Variants in ERC2 observed in about 807,000 individuals in gnomAD.
The protein encoded by ERC2 is ERC protein 2.
In ERC2, 42 loss-of-function variants were observed where a neutral mutation model predicts 114.8. The observed-to-expected ratio is 0.37, with a 90% CI of 0.29 to 0.47. The LOEUF is 0.47. Among genes scored for constraint, ERC2 ranks in the 20% least tolerant of loss-of-function variants. The probability of loss-of-function intolerance (pLI) is 0.99; values close to 1 mark genes in which losing one functional copy is unlikely to be tolerated. For synonymous variants in ERC2, 454 were observed against 425.5 expected (o/e 1.07, Z -0.82); for missense variants, 939 against 1,150.7 (o/e 0.82, Z 2.66).
intron 2 of ERC2, 35 bp downstream of exon 2, chr3:56,434,316 A>G (rs1346532131): frequency 6.3e-7 from 1 of 1,592,830 alleles, no homozygotes; most frequent in East Asian, 2.2e-5. Flanking sequence ...GTGAGAAGCC[A>G]AGGCTGAAAA....
At chr3:56,421,990 A>C (rs150627828) in intron 2 of ERC2, among the ~76,000 whole-genome samples, 49 of 152,302 alleles carry the variant, frequency 3.2e-4, no homozygotes, top group Middle Eastern at 3.4e-3. Flanking sequence ...CAGAGGCAGA[A>C]ATCAGGAAGG....
chr3:56,427,566 G>T (rs1327355354), intron 2 of ERC2, among the ~76,000 whole-genome samples: 6 of 152,196 alleles, frequency 3.9e-5, no homozygotes, highest in African/African-American at 1.4e-4. Flanking sequence ...TGGAGATAGG[G>T]TCTTTACAGA....
At chr3:56,086,078 G>A (rs1156672245) in intron 6 of ERC2, among the ~76,000 whole-genome samples, 3 of 152,160 alleles carry the variant, frequency 2.0e-5, no homozygotes, top group Admixed American at 1.3e-4. Flanking sequence ...TGAAGAGGCA[G>A]AGAAAAATAT....
chr3:56,281,641 A>G (rs1397038891), intron 3 of ERC2, among the ~76,000 whole-genome samples: 1 of 152,126 alleles, frequency 6.6e-6, no homozygotes, highest in African/African-American at 2.4e-5. Context: ...ACAGATATAG[A>G]TATAGACATA....
chr3:56,112,180 G>T (rs933767702), intron 6 of ERC2, among the ~76,000 whole-genome samples: 3 of 152,128 alleles, frequency 2.0e-5, no homozygotes, highest in Non-Finnish European at 4.4e-5. Context: ...ACTCCAGGAG[G>T]TTCTCATCAC....
chr3:56,434,721 G>T lies in ERC2; in HGVS notation c.287C>A (p.Thr96Lys). 1 of 1,614,014 alleles carries T rather than the reference G, an allele frequency of 6.2e-7. No homozygotes were observed. ...TNRAVYGGRV[T>K]AMGSSPNIAS... ...AATATTGGGACTACTCCCCATGGCTGTGACACGGCCTCCATATACAGCTCG... is the reference window on the plus strand; with the variant it reads ...AATATTGGGACTACTCCCCATGGCTTTGACACGGCCTCCATATACAGCTCG... Residue 96 changes from threonine (T) to lysine (K), a missense_variant, in exon 2 of 18, where the codon ACA becomes AAA. Around this residue, in one of 5 missense-constraint regions of ERC2, gnomAD observed 281 missense variants for 307.4 expected, o/e 0.91. Coordinates refer to ENST00000288221, the MANE Select transcript of ERC2 (RefSeq NM_015576.3).
rs118018462 is a variant in ERC2 at position 56,115,885 on chromosome 3, A to G, written c.1473+23624T>C. On this transcript the variant is annotated intron_variant, in intron 6 of 17. Transcript: ENST00000288221. ...GCATTAGGAGCACACACTGAAGGCC[A>G]CCCTCCCCCTGCTGTAATCCCTCCA... Among the ~76,000 whole-genome samples the G allele has an allele frequency of 1.8e-3, 281 of 151,966 alleles. 5 individuals are homozygous for G. The East Asian group carries it at 0.044, about 24-fold the overall frequency.
intron 3 of ERC2, among the ~76,000 whole-genome samples, chr3:56,283,796 G>A (rs1014704636): frequency 1.3e-5 from 2 of 152,292 alleles, no homozygotes; most frequent in African/African-American, 2.4e-5. Flanking sequence ...GGCTGGACAA[G>A]CGGTACAAAA....
At chr3:56,113,075 TAGG>T in intron 6 of ERC2, among the ~76,000 whole-genome samples, 1 of 152,178 alleles carries the variant, frequency 6.6e-6, no homozygotes, top group African/African-American at 2.4e-5. Flanking sequence ...CTCAATCTAA[TAGG>T]TGGGGTGTTA....
At chr3:56,068,570 T>G (rs1459110123) in intron 7 of ERC2, among the ~76,000 whole-genome samples, 2 of 152,206 alleles carry the variant, frequency 1.3e-5, no homozygotes, top group Non-Finnish European at 2.9e-5. Flanking sequence ...TCTTAGTTAT[T>G]TCCTGTCTTC....
At chr3:56,074,835 T>C (rs2076898276) in intron 7 of ERC2, among the ~76,000 whole-genome samples, 1 of 152,196 alleles carries the variant, frequency 6.6e-6, no homozygotes, top group Non-Finnish European at 1.5e-5. Flanking sequence ...CAAATGACTC[T>C]CCTCAGAGCT....
At chr3:55,872,368 T>TA (rs35729442) in intron 14 of ERC2, among the ~76,000 whole-genome samples, 4 of 152,114 alleles carry the variant, frequency 2.6e-5, no homozygotes, top group East Asian at 3.9e-4. Context: ...TGGCAATTTC[T>TA]AAAAAAATAG....
chr3:56,216,107 T>C (rs2049450709), intron 3 of ERC2, among the ~76,000 whole-genome samples: 1 of 152,066 alleles, frequency 6.6e-6, no homozygotes, highest in African/African-American at 2.4e-5. Context: ...AGCAATCACA[T>C]TCAAAAGCTA....
At chr3:55,908,568 G>C (rs77293427) in intron 13 of ERC2, among the ~76,000 whole-genome samples, 30 of 152,282 alleles carry the variant, frequency 2.0e-4, no homozygotes, top group Non-Finnish European at 3.8e-4. Flanking sequence ...AGGTGAGTCC[G>C]AGAATGCTGA....
At chr3:56,314,557 T>A (rs940053306) in intron 2 of ERC2, among the ~76,000 whole-genome samples, 2 of 151,878 alleles carry the variant, frequency 1.3e-5, no homozygotes, top group African/African-American at 4.8e-5. Context: ...ACAAAGAAAA[T>A]CTTTCAACCA....
At chr3:56,032,943 GA>G (rs1304855397) in intron 7 of ERC2, among the ~76,000 whole-genome samples, 2 of 79,040 alleles carry the variant, frequency 2.5e-5, no homozygotes, top group African/African-American at 8.1e-5. Context: ...AAGAAAGAAA[GA>G]AAGAAAGAAA....
chr3:56,136,358 G>A (rs773053611), intron 6 of ERC2, among the ~76,000 whole-genome samples: 13 of 152,024 alleles, frequency 8.6e-5, no homozygotes, highest in Non-Finnish European at 1.8e-4. Flanking sequence ...TTTCAGGAAT[G>A]ACTCAGGAAT....
chr3:55,942,423 G>A (rs1457855618), intron 13 of ERC2, among the ~76,000 whole-genome samples: 2 of 148,824 alleles, frequency 1.3e-5, no homozygotes, highest in African/African-American at 4.9e-5. Flanking sequence ...CAAGTAGCTG[G>A]GACTACAGGC....
chr3:55,531,158 T>C (rs540695422), intron 17 of ERC2, among the ~76,000 whole-genome samples: 1 of 152,238 alleles, frequency 6.6e-6, no homozygotes, highest in Admixed American at 6.5e-5. Context: ...AAAGACTTGA[T>C]TATTAAGTGA....
Sources: gnomAD v4.1 joint callset for allele counts (sites outside exome capture counted in the v4.1 genomes callset) on GRCh38, gnomAD v4.1.1 for gene constraint, gnomAD v4.1.1 regional missense constraint, MANE v1.5 for transcripts, NCBI Gene and HGNC (gene_info 2026-07-23, HGNC 2026-07-21) for gene names.